Variants in ADARB2 observed in about 807,000 individuals in gnomAD.
ADARB2 encodes adenosine deaminase RNA specific B2 (inactive), also known as inactive double-stranded RNA-specific editase B2.
In ADARB2, 25 loss-of-function variants were observed where a neutral mutation model predicts 62.2. The observed-to-expected ratio is 0.40, with a 90% CI of 0.29 to 0.56. The LOEUF (loss-of-function observed/expected upper bound fraction) is 0.56, where lower values mean the gene tolerates loss of function less well. Ranked by LOEUF, ADARB2 falls within the 20% of genes least tolerant of loss-of-function variation. The pLI is 0.43. For missense variants in ADARB2, 1,071 were observed against 1,077.4 expected (o/e 0.99, Z 0.08); for synonymous variants, 572 against 500.8 (o/e 1.14, Z -1.90).
In ADARB2 at chr10:1,182,764, A is replaced by T. The variant is rs1041153463; in HGVS notation, c.*429T>A. 1 of 160,744 alleles carries T rather than the reference A, an allele frequency of 6.2e-6. No individual in the cohort carries two copies. The highest frequency in any genetic ancestry group is 1.4e-5 in the Non-Finnish European group (1 of 74,042). The allele number at this position is 160,744 out of a possible 1,614,324, so 10.0% of individuals were successfully genotyped here. On this transcript the variant is annotated 3_prime_UTR_variant, in exon 10 of 10. Transcript: ENST00000381312. ...TGGCTTTTCTCTTCATTTGTGGCTT[A>T]TCTTCATGTGCCCCCTCAAGCTAGT...
intron 3 of ADARB2, among the ~76,000 whole-genome samples, chr10:1,317,660 C>A (rs1364179785): frequency 6.6e-6 from 1 of 150,806 alleles, no homozygotes; most frequent in Non-Finnish European, 1.5e-5. Flanking sequence ...GTGCATCCAT[C>A]TGCCTCTCTC....
intron 4 of ADARB2, among the ~76,000 whole-genome samples, chr10:1,243,853 C>A (rs570813718): frequency 6.6e-6 from 1 of 152,330 alleles, no homozygotes; most frequent in Non-Finnish European, 1.5e-5. Flanking sequence ...CGTTTCTGTG[C>A]CCGAAGAGAA....
intron 1 of ADARB2, among the ~76,000 whole-genome samples, chr10:1,715,407 T>C (rs927723485): frequency 5.3e-5 from 8 of 152,254 alleles, no homozygotes; most frequent in Non-Finnish European, 8.8e-5. Context: ...GTTTTTAATA[T>C]TTGTTTTTTA....
At chr10:1,516,690 C>T (rs1832013526) in intron 1 of ADARB2, among the ~76,000 whole-genome samples, 1 of 152,204 alleles carries the variant, frequency 6.6e-6, no homozygotes, top group African/African-American at 2.4e-5. Context: ...CGAATATCGC[C>T]CAAAGTGCAG....
chr10:1,663,309 T>C (rs1474649120), intron 1 of ADARB2, among the ~76,000 whole-genome samples: 1 of 152,120 alleles, frequency 6.6e-6, no homozygotes, highest in Non-Finnish European at 1.5e-5. Flanking sequence ...ATTGGCTCTA[T>C]TTACATCTGG....
chr10:1,304,103 C>T (rs1450572087), intron 3 of ADARB2, among the ~76,000 whole-genome samples: 1 of 151,044 alleles, frequency 6.6e-6, no homozygotes, highest in African/African-American at 2.4e-5. Flanking sequence ...AGTCAAGACC[C>T]ATCAGTGTGC....
At chr10:1,533,689 C>T (rs1018523029) in intron 1 of ADARB2, among the ~76,000 whole-genome samples, 1 of 152,150 alleles carries the variant, frequency 6.6e-6, no homozygotes, top group Non-Finnish European at 1.5e-5. Flanking sequence ...AACTATGTTC[C>T]AAAGAGCACC....
intron 6 of ADARB2, among the ~76,000 whole-genome samples, chr10:1,232,872 G>T (rs1830822527): frequency 2.7e-5 from 4 of 147,308 alleles, no homozygotes; most frequent in Admixed American, 2.7e-4. Context: ...AGTGTATGTG[G>T]TGTGTGTGTT....
intron 1 of ADARB2, among the ~76,000 whole-genome samples, chr10:1,591,657 ACG>A (rs56004358): frequency 0.43 from 61,806 of 144,272 alleles, 13,643 homozygotes; most frequent in Non-Finnish European, 0.52. Flanking sequence ...AGAGGCGTGC[ACG>A]CACACACACA....
At chr10:1,527,881 T>A (rs1832169509) in intron 1 of ADARB2, among the ~76,000 whole-genome samples, 1 of 152,186 alleles carries the variant, frequency 6.6e-6, no homozygotes, top group Non-Finnish European at 1.5e-5. Flanking sequence ...TTTGCTGTCA[T>A]CAACATTCAT....
At chr10:1,661,064 G>C (rs1263407454) in intron 1 of ADARB2, among the ~76,000 whole-genome samples, 1 of 152,024 alleles carries the variant, frequency 6.6e-6, no homozygotes, top group Non-Finnish European at 1.5e-5. Context: ...GAAACATTCC[G>C]AGCCTGCGAT....
intron 1 of ADARB2, among the ~76,000 whole-genome samples, chr10:1,678,610 C>T (rs145389629): frequency 3.9e-5 from 6 of 152,226 alleles, no homozygotes; most frequent in South Asian, 2.1e-4. Context: ...GTGCTTTACC[C>T]TCCCTGGAGT....
rs950562385 is a variant in ADARB2 at position 1,706,957 on chromosome 10, A to G, written c.100+30094T>C. On this transcript the variant is annotated intron_variant, in intron 1 of 9. Transcript: ENST00000381312. ...AGGAAGTGGGATTTTCTTTGGGCAA[A>G]GGGTTTCCCCGGGGCCTCCTGACAT... Among the ~76,000 whole-genome samples the G allele has an allele frequency of 1.1e-4, 16 of 152,236 alleles. No individual in the cohort carries two copies. In the South Asian group the frequency reaches 3.3e-3, roughly 31 times the overall value.
rs1386455636 is a variant in ADARB2 at position 1,263,131 on chromosome 10, TGGGGTGG to T, written c.1192+7817_1192+7823del. Among the ~76,000 whole-genome samples, 171 of 60,422 alleles carry T rather than the reference TGGGGTGG, an allele frequency of 2.8e-3. 1 individual carries two copies. Among genetic ancestry groups the T allele is most frequent in the African/African-American group, 0.011 (163 of 14,564 alleles). 39.6% of individuals were successfully genotyped at this position (60,422 alleles called of 152,430 possible). On this transcript the variant is annotated intron_variant, in intron 4 of 9. Transcript: ENST00000381312. ...GAACATCACACACCGGGGCCTGTTG[TGGGGTGG>T]GGGGAGGGGGGAGGGATAGCATTAG...
At chr10:1,513,818 T>A (rs889112724) in intron 1 of ADARB2, among the ~76,000 whole-genome samples, 4 of 152,176 alleles carry the variant, frequency 2.6e-5, no homozygotes, top group Admixed American at 1.3e-4. Context: ...TGCTTGTCTA[T>A]CACCTTTCTG....
At chr10:1,453,077 A>G (rs79868421) in intron 1 of ADARB2, among the ~76,000 whole-genome samples, 11,678 of 152,178 alleles carry the variant, frequency 0.077, 591 homozygotes, top group East Asian at 0.23. Context: ...TGTGACGCCT[A>G]GTCCCTTACC....
At chr10:1,522,688 C>T (rs1472373436) in intron 1 of ADARB2, among the ~76,000 whole-genome samples, 1 of 152,244 alleles carries the variant, frequency 6.6e-6, no homozygotes, top group African/African-American at 2.4e-5. Context: ...AATCATTCCT[C>T]TCCTTCTTCC....
At chr10:1,195,236 C>G (rs1836893766) in intron 8 of ADARB2, among the ~76,000 whole-genome samples, 1 of 152,156 alleles carries the variant, frequency 6.6e-6, no homozygotes, top group Non-Finnish European at 1.5e-5. Flanking sequence ...TTGTGGCACT[C>G]TCCTTGGTGC....
At chr10:1,285,725 T>C (rs1054280884) in intron 3 of ADARB2, among the ~76,000 whole-genome samples, 1 of 152,220 alleles carries the variant, frequency 6.6e-6, no homozygotes, top group Non-Finnish European at 1.5e-5. Context: ...ATTATTCACA[T>C]TGGAAAATGA....
Sources: allele counts gnomAD v4.1 joint callset (sites outside exome capture counted in the v4.1 genomes callset), GRCh38; gene constraint gnomAD v4.1.1; transcripts MANE v1.5; gene names NCBI Gene and HGNC (gene_info 2026-07-23, HGNC 2026-07-21).